The following TRPV5 variants were observed in gnomAD, a reference collection of about 807,000 sequenced individuals.
TRPV5 encodes transient receptor potential cation channel subfamily V member 5.
TRPV5 carries 66 observed loss-of-function variants against 74.1 expected under a neutral mutation model. The ratio of observed to expected loss-of-function variants is 0.89; its 90% CI spans 0.73 to 1.09. TRPV5 has a LOEUF of 1.09. TRPV5 is among the 50% of genes least tolerant of loss of function. TRPV5 has a pLI of 0.00. For missense variants in TRPV5, 936 were observed against 930.4 expected (o/e 1.01, Z -0.08); for synonymous variants, 399 against 360.7 (o/e 1.11, Z -1.20).
chr7:142,913,236 A>G (rs1795732877), intron 12 of TRPV5, among the ~76,000 whole-genome samples: 1 of 152,144 alleles, frequency 6.6e-6, no homozygotes. Context: ...CATCACTCTG[A>G]CCTTCCCTGA....
rs902948159 is a variant in TRPV5 at position 142,922,577 on chromosome 7, G to C, written c.1122+2952C>G. Among the ~76,000 whole-genome samples the C allele has an allele frequency of 1.4e-4, 21 of 152,306 alleles. No homozygotes were observed. The East Asian group carries it at 3.7e-3, about 27-fold the overall frequency. ...AGGTCTACTAAAGTGTAGCCTAGGA[G>C]CTAGTCATTTTACTAGCTTCCTAGG... On this transcript the variant is annotated intron_variant, in intron 8 of 14. Coordinates refer to ENST00000265310, the MANE Select transcript of TRPV5 (RefSeq NM_019841.7).
Position 142,932,903 on chromosome 7 carries a change from C to T in TRPV5, c.128+429G>A, listed in dbSNP as rs4252378. ...ACCCAGTGTTACACCAAACAAAGCG[C>T]TCCTCCCCTTTCCCACACAGTCCAC... On this transcript the variant is annotated intron_variant, in intron 1 of 14. Transcript: ENST00000265310. Among the ~76,000 whole-genome samples, 1,402 of 152,340 alleles carry T rather than the reference C, an allele frequency of 9.2e-3. 22 individuals are homozygous for T. Among genetic ancestry groups the T allele is most frequent in the African/African-American group, 0.032 (1,315 of 41,578 alleles).
Position 142,915,376 on chromosome 7 carries a change from T to A in TRPV5, c.1217A>T (p.Asp406Val). The A allele has an allele frequency of 2.5e-6, 4 of 1,607,176 alleles. No homozygotes were observed. Among genetic ancestry groups the A allele is most frequent in the Middle Eastern group, 3.3e-4 (2 of 6,008 alleles). ...AVIILLLEIP[D>V]IFRVGASRYF... is the part of the protein sequence containing the mutation. ...GCGAGAGGCACCAACCCTGAAGATG[T>A]CTGGAATCTGGGGAGAGGACGGCAA... Residue 406 changes from aspartate to valine, a missense_variant, in exon 10 of 15, where the codon GAC (aspartate) becomes GTC (valine). Asp to Val is a radical substitution (Grantham distance 152). Transcript: ENST00000265310.
intron 1 of TRPV5, among the ~76,000 whole-genome samples, chr7:142,932,210 C>T (rs1195069471): frequency 2.6e-5 from 4 of 152,158 alleles, no homozygotes; most frequent in Non-Finnish European, 5.9e-5. Context: ...CCTGAGGCCA[C>T]TGCACAAACA....
Position 142,929,194 on chromosome 7 carries a change from G to A in TRPV5, c.488-74C>T, listed in dbSNP as rs1796042710. The A allele has an allele frequency of 1.9e-6, 3 of 1,560,258 alleles. No individual in the cohort carries two copies. The South Asian group carries it at 3.5e-5, about 18-fold the overall frequency. The stretch of plus-strand genomic sequence containing the variant: ...GGGGTGGGCAGTCTCCCCCAAATAA[G>A]GGCCTCCTCCTCATCCCCCATATCT... On this transcript the variant is annotated intron_variant, in intron 4 of 14. Coordinates refer to ENST00000265310, the MANE Select transcript of TRPV5 (RefSeq NM_019841.7).
intron 12 of TRPV5, 120 bp downstream of exon 12, chr7:142,914,516 CAAAA>C (rs1795757491): frequency 1.1e-6 from 1 of 939,212 alleles, no homozygotes; most frequent in Admixed American, 2.7e-5. Context: ...AAAAACAAAA[CAAAA>C]AACAAACAAA....
In TRPV5 at chr7:142,908,448, G is replaced by A. The variant is rs971596371; in HGVS notation, c.*66C>T. ...GAAGTTAGACACTTGCATAGGCAGAGGTCTCCGTCTCTGTCCCCGCCCCCA... is the reference window on the plus strand; with the variant it reads ...GAAGTTAGACACTTGCATAGGCAGAAGTCTCCGTCTCTGTCCCCGCCCCCA... On this transcript the variant is annotated 3_prime_UTR_variant, in exon 15 of 15. Transcript: ENST00000265310. 21 of 1,557,886 alleles carry A rather than the reference G, an allele frequency of 1.3e-5. No homozygotes were observed. In the East Asian group the frequency reaches 1.4e-4, roughly 10 times the overall value.
chr7:142,933,555 G>A lies in TRPV5; in HGVS notation c.-96C>T. ...TGAGCAAGAGATGGGGTCTATTTGG[G>A]GCTGGGACTCTGAGTTTATCTCCTG... On this transcript the variant is annotated 5_prime_UTR_variant, in exon 1 of 15. Coordinates refer to ENST00000265310, the MANE Select transcript of TRPV5 (RefSeq NM_019841.7). 11 of 1,511,710 alleles carry A rather than the reference G, an allele frequency of 7.3e-6. No individual in the cohort carries two copies. Among genetic ancestry groups the A allele is most frequent in the Non-Finnish European group, 9.8e-6 (11 of 1,121,842 alleles). The allele number at this position is 1,511,710 out of a possible 1,614,324, so 93.6% of individuals were successfully genotyped here.
chr7:142,914,697 C>T lies in TRPV5; in HGVS notation c.1462G>A (p.Gly488Arg). ...AGCCAGCAGAAACGCATTAGGTCTC[C>T]AAAAATCATCTGCAGGAAACAGAAG... is the stretch of plus-strand genomic sequence containing the variant. ...FTIMIQKMIF[G>R]DLMRFCWLMA... Residue 488 changes from glycine to arginine, a missense_variant, in exon 12 of 15, where the codon GGA becomes AGA. By Grantham distance (125) the Gly-to-Arg change is moderately radical. Coordinates refer to ENST00000265310, the MANE Select transcript of TRPV5 (RefSeq NM_019841.7). 4 of 1,613,642 alleles carry T rather than the reference C, an allele frequency of 2.5e-6. No homozygotes were observed. The highest frequency in any genetic ancestry group is 3.4e-6 in the Non-Finnish European group (4 of 1,179,850).
chr7:142,931,088 T>C (rs1796087239), intron 1 of TRPV5, among the ~76,000 whole-genome samples: 1 of 131,496 alleles, frequency 7.6e-6, no homozygotes, highest in South Asian at 2.6e-4. Flanking sequence ...AGTGGTACAA[T>C]CTCAGCTTAC....
chr7:142,925,817 G>A, intron 7 of TRPV5, 76 bp from the exon 8 acceptor site: 1 of 1,292,848 alleles, frequency 7.7e-7, no homozygotes, highest in African/African-American at 1.5e-5. Flanking sequence ...GGCCAGAAGA[G>A]GCAGGGCAGC....
intron 8 of TRPV5, among the ~76,000 whole-genome samples, chr7:142,916,910 GGC>G (rs1795811225): frequency 1.2e-5 from 1 of 82,614 alleles, no homozygotes; most frequent in African/African-American, 3.7e-5. Context: ...TTTCTTTTTT[GGC>G]TTAAAAAATG....
chr7:142,922,804 T>G (rs1231003723), intron 8 of TRPV5, among the ~76,000 whole-genome samples: 1 of 152,200 alleles, frequency 6.6e-6, no homozygotes, highest in Non-Finnish European at 1.5e-5. Flanking sequence ...AGTAGAAATA[T>G]ATGGAGATAA....
intron 7 of TRPV5, among the ~76,000 whole-genome samples, chr7:142,926,638 GATGT>G (rs1795993929): frequency 6.6e-6 from 1 of 152,130 alleles, no homozygotes; most frequent in South Asian, 2.1e-4. Context: ...GGTAGTGAAG[GATGT>G]GAAAGGGGGC....
Position 142,908,317 on chromosome 7 carries a change from G to A in TRPV5, c.*197C>T. 1 of 638,088 alleles carries A rather than the reference G, an allele frequency of 1.6e-6. No individual in the cohort carries two copies. Among genetic ancestry groups the A allele is most frequent in the Non-Finnish European group, 2.7e-6 (1 of 372,888 alleles). 39.5% of individuals were successfully genotyped at this position (638,088 alleles called of 1,614,324 possible). ...ACTTGCAAGAGCCCAGAAAATACGT[G>A]AGACAATCGATGACCATTGCCCATT... On this transcript the variant is annotated 3_prime_UTR_variant, in exon 15 of 15. Transcript: ENST00000265310.
chr7:142,914,960 A>G lies in TRPV5; in HGVS notation c.1373T>C (p.Leu458Pro), dbSNP rs1795768070. ...CATGACACTGCACCAGCCCAGCACC[A>G]GGGCAAAGGACATGGGCACCACCTC... Reference protein sequence around the residue: ...NGEVVPMSFALVLGWCSVMYF... With the variant: ...NGEVVPMSFAPVLGWCSVMYF... The change falls in exon 11 of 15, where the codon CTG becomes CCG. Residue 458 changes from leucine (L) to proline (P), a missense_variant. Leu to Pro is a moderately conservative substitution (Grantham distance 98, BLOSUM62 -3). Transcript: ENST00000265310. The G allele has an allele frequency of 1.2e-6, 2 of 1,614,170 alleles. No individual in the cohort carries two copies. Among genetic ancestry groups the G allele is most frequent in the Non-Finnish European group, 1.7e-6 (2 of 1,180,012 alleles).
At chr7:142,921,140 A>G (rs1795880097) in intron 8 of TRPV5, among the ~76,000 whole-genome samples, 1 of 152,120 alleles carries the variant, frequency 6.6e-6, no homozygotes, top group Non-Finnish European at 1.5e-5. Flanking sequence ...GTGGACAAAT[A>G]GATCCCACGG....
At position 142,930,242 on chromosome 7, in the gene TRPV5, A is replaced by G. The variant is rs1796063543; in HGVS notation, c.227-62T>C. 3.7e-6 allele frequency: 6 copies of G among 1,607,234 alleles called. No homozygotes were observed. In the East Asian group the frequency reaches 1.1e-4, roughly 30 times the overall value. On this transcript the variant is annotated intron_variant, in intron 2 of 14. Coordinates refer to ENST00000265310, the MANE Select transcript of TRPV5 (RefSeq NM_019841.7). The stretch of plus-strand genomic sequence containing the variant: ...CAGATTCCCTTGAGGAAGGGGCCTC[A>G]GGCTCCAGAGACACCCTCCAAGGCC...
intron 1 of TRPV5, among the ~76,000 whole-genome samples, chr7:142,931,931 A>G (rs1269040552): frequency 2.0e-5 from 3 of 152,018 alleles, no homozygotes; most frequent in Non-Finnish European, 2.9e-5. Context: ...CGAACTCCTG[A>G]CCTCAGGTGA....
Sources: allele counts gnomAD v4.1 joint callset (sites outside exome capture counted in the v4.1 genomes callset), GRCh38; gene constraint gnomAD v4.1.1; transcripts MANE v1.5; gene names NCBI Gene and HGNC (gene_info 2026-07-23, HGNC 2026-07-21).